Variants in PPP2R2C observed in about 807,000 individuals in gnomAD.
PPP2R2C encodes protein phosphatase 2, regulatory subunit B, gamma.
A neutral mutation model predicts 45.3 loss-of-function variants in PPP2R2C; 10 were observed. The ratio of observed to expected loss-of-function variants is 0.22; its 90% CI spans 0.14 to 0.37. PPP2R2C has a LOEUF of 0.37. PPP2R2C is among the 10% of genes least tolerant of loss of function. PPP2R2C has a pLI of 1.00. For synonymous variants in PPP2R2C, 257 were observed against 245.4 expected, an observed-to-expected ratio of 1.05 and a Z score of -0.44; for missense variants, 308 against 619.7, an observed-to-expected ratio of 0.50 and a Z score of 5.34.
intron 1 of PPP2R2C, among the ~76,000 whole-genome samples, chr4:6,426,678 G>A (rs1471600379): frequency 6.6e-6 from 1 of 152,196 alleles, no homozygotes; most frequent in Non-Finnish European, 1.5e-5. Context: ...GGACGGCAGA[G>A]TAGACTTGGG....
chr4:6,339,265 G>A (rs563632051), intron 6 of PPP2R2C, among the ~76,000 whole-genome samples: 24 of 152,186 alleles, frequency 1.6e-4, no homozygotes, highest in Non-Finnish European at 3.4e-4. Context: ...TTGGGCCAGG[G>A]GTCCTGCCTT....
chr4:6,372,098 G>A (rs548783899), intron 5 of PPP2R2C, among the ~76,000 whole-genome samples: 80 of 152,302 alleles, frequency 5.3e-4, no homozygotes, highest in African/African-American at 1.6e-3. Context: ...AGCCCTGGCC[G>A]GGGCCCCAGT....
chr4:6,420,489 C>T (rs1475454684), intron 1 of PPP2R2C, among the ~76,000 whole-genome samples: 2 of 152,160 alleles, frequency 1.3e-5, no homozygotes, highest in Non-Finnish European at 2.9e-5. Context: ...TGCCACACCC[C>T]CGCCTTGCGA....
intron 1 of PPP2R2C, among the ~76,000 whole-genome samples, chr4:6,402,174 G>A (rs545301508): frequency 3.9e-5 from 6 of 152,228 alleles, no homozygotes; most frequent in Admixed American, 1.3e-4. Context: ...TTCAAGTTTC[G>A]AAGGCAAAGG....
intron 1 of PPP2R2C, among the ~76,000 whole-genome samples, chr4:6,470,774 G>A (rs939634459): frequency 4.0e-5 from 6 of 151,828 alleles, no homozygotes; most frequent in African/African-American, 1.5e-4. Context: ...AGCCGCGGCC[G>A]GGTCAGAGCC....
chr4:6,560,623 C>A (rs1381760600), intron 1 of PPP2R2C, among the ~76,000 whole-genome samples: 1 of 152,174 alleles, frequency 6.6e-6, no homozygotes. Flanking sequence ...TCAGTGTTGG[C>A]TGCTGTTACT....
chr4:6,554,930 G>GGAAAGAAA (rs71173447), intron 1 of PPP2R2C, among the ~76,000 whole-genome samples: 14 of 116,192 alleles, frequency 1.2e-4, no homozygotes, highest in South Asian at 2.7e-4. Context: ...AAGGAAGGAA[G>GGAAAGAAA]GAAAGAAAGA....
intron 1 of PPP2R2C, among the ~76,000 whole-genome samples, chr4:6,405,196 G>A (rs762269386): frequency 3.3e-5 from 5 of 152,092 alleles, no homozygotes; most frequent in Non-Finnish European, 7.4e-5. Context: ...TAGTCTCCCC[G>A]TTTTACAGAT....
At chr4:6,404,882 G>C (rs1006013524) in intron 1 of PPP2R2C, among the ~76,000 whole-genome samples, 1 of 152,250 alleles carries the variant, frequency 6.6e-6, no homozygotes, top group African/African-American at 2.4e-5. Context: ...GCCAACTGCG[G>C]TCAGGTCCGC....
At chr4:6,531,561 CTTTTT>C (rs11327901) in intron 2 of PPP2R2C, among the ~76,000 whole-genome samples, 2 of 143,832 alleles carry the variant, frequency 1.4e-5, no homozygotes, top group Admixed American at 6.8e-5. Context: ...TCCCGTTTTC[CTTTTT>C]TTTTTTTTTT....
chr4:6,334,404 T>C (rs1400539683), intron 6 of PPP2R2C, among the ~76,000 whole-genome samples: 1 of 152,134 alleles, frequency 6.6e-6, no homozygotes, highest in East Asian at 1.9e-4. Context: ...AGGCAACGGT[T>C]TGCTGCCCAC....
intron 2 of PPP2R2C, among the ~76,000 whole-genome samples, chr4:6,522,159 T>G (rs906069664): frequency 6.6e-6 from 1 of 152,218 alleles, no homozygotes; most frequent in African/African-American, 2.4e-5. Flanking sequence ...CTCCCTGCCT[T>G]TCCTGGTCCC....
chr4:6,390,316 G>A (rs992053530), intron 1 of PPP2R2C, among the ~76,000 whole-genome samples: 1 of 152,160 alleles, frequency 6.6e-6, no homozygotes, highest in Admixed American at 6.5e-5. Context: ...CCCTAGGTAA[G>A]GACTCTGCAG....
intron 2 of PPP2R2C, among the ~76,000 whole-genome samples, chr4:6,502,149 A>G (rs1723078223): frequency 6.6e-6 from 1 of 152,202 alleles, no homozygotes; most frequent in Non-Finnish European, 1.5e-5. Context: ...TTTTCCATGT[A>G]AGAATAAGCA....
chr4:6,511,294 ATG>A (rs1560593370), intron 2 of PPP2R2C, among the ~76,000 whole-genome samples: 3 of 121,254 alleles, frequency 2.5e-5, no homozygotes, highest in African/African-American at 5.6e-5. Flanking sequence ...GCTGATGCTG[ATG>A]GTGGTGGTGA....
At position 6,378,584 on chromosome 4, in the gene PPP2R2C, C is replaced by A. The variant is rs747730254; in HGVS notation, c.169-12G>T. 1 of 1,609,422 alleles carries A rather than the reference C, an allele frequency of 6.2e-7. No individual in the cohort carries two copies. The highest frequency in any genetic ancestry group is 1.3e-5 in the African/African-American group (1 of 74,812). The stretch of plus-strand genomic sequence containing the variant: ...GGCGCATTTTTACTCTGCAGGGAAA[C>A]CCGGAGAAGGGGCCTGAGCACCGTG... On this transcript the variant is annotated splice_polypyrimidine_tract_variant and intron_variant, in intron 2 of 8. Coordinates refer to ENST00000382599, the MANE Select transcript of PPP2R2C (RefSeq NM_020416.4). This position sits in a 1 kb window ranked among gnomAD's most constrained non-coding sequence, Gnocchi z 5.2.
intron 2 of PPP2R2C, among the ~76,000 whole-genome samples, chr4:6,478,894 CAG>C (rs1003572293): frequency 1.8e-4 from 28 of 152,206 alleles, no homozygotes; most frequent in Admixed American, 2.0e-4. Context: ...GCAGAGGTAA[CAG>C]AGAGAGACAG....
chr4:6,548,504 G>T (rs1725071284), intron 1 of PPP2R2C, among the ~76,000 whole-genome samples: 1 of 152,236 alleles, frequency 6.6e-6, no homozygotes, highest in Non-Finnish European at 1.5e-5. Flanking sequence ...CCTGAAAACA[G>T]CCCTGTATTT....
chr4:6,471,980 C>T lies in PPP2R2C; in HGVS notation c.70+180G>A, dbSNP rs1184211349. Among the ~76,000 whole-genome samples the T allele has an allele frequency of 2.2e-5, 3 of 136,472 alleles. No homozygotes were observed. Among genetic ancestry groups the T allele is most frequent in the African/African-American group, 8.2e-5 (3 of 36,710 alleles). 89.5% of individuals were successfully genotyped at this position (136,472 alleles called of 152,430 possible). On this transcript the variant is annotated intron_variant, in intron 1 of 8. Coordinates refer to ENST00000382599, the MANE Select transcript of PPP2R2C (RefSeq NM_020416.4). This position sits in a 1 kb window ranked among gnomAD's most constrained non-coding sequence, Gnocchi z 5.6. ...AGGCCGGTACCCTCGGGCTCCCTCC[C>T]TCCTGGGCCCCGGGCAGGGTGGGAT... is the stretch of plus-strand genomic sequence containing the variant.
Sources: gnomAD v4.1 joint callset for allele counts (sites outside exome capture counted in the v4.1 genomes callset) on GRCh38, gnomAD v4.1.1 for gene constraint, Gnocchi (gnomAD v3.1) non-coding constraint, MANE v1.5 for transcripts, NCBI Gene and HGNC (gene_info 2026-07-23, HGNC 2026-07-21) for gene names.